SYT1: variants seen among roughly 807,000 people sequenced by gnomAD.
SYT1 encodes the protein synaptotagmin-1.
In SYT1, 8 loss-of-function variants were observed where a neutral mutation model predicts 44.8. The observed-to-expected ratio is 0.18, with a 90% CI of 0.10 to 0.32. The LOEUF (loss-of-function observed/expected upper bound fraction) is 0.32. Among genes scored for constraint, SYT1 ranks in the 10% least tolerant of loss-of-function variants. The probability of loss-of-function intolerance (pLI) is 1.00; values close to 1 mark genes in which losing one functional copy is unlikely to be tolerated. For synonymous variants in SYT1, 154 were observed against 188.8 expected, an observed-to-expected ratio of 0.82 and a Z score of 1.51; for missense variants, 286 against 509.3, an observed-to-expected ratio of 0.56 and a Z score of 4.22.
chr12:79,358,128 CG>C (rs1293830002), intron 9 of SYT1, among the ~76,000 whole-genome samples: 5 of 152,104 alleles, frequency 3.3e-5, no homozygotes, highest in Admixed American at 1.3e-4. Context: ...AAATTTGACA[CG>C]TCTGAGTACA....
At chr12:78,996,938 T>C (rs1447285886) in intron 2 of SYT1, among the ~76,000 whole-genome samples, 2 of 152,160 alleles carry the variant, frequency 1.3e-5, no homozygotes, top group Non-Finnish European at 2.9e-5. Context: ...TGAGCTAATC[T>C]CAGTGATTTT....
chr12:79,142,814 T>C (rs1055819848), intron 3 of SYT1, among the ~76,000 whole-genome samples: 2 of 152,230 alleles, frequency 1.3e-5, no homozygotes, highest in Non-Finnish European at 2.9e-5. Flanking sequence ...TGCTTGTGTA[T>C]GAGTCCTCCA....
At chr12:79,364,914 T>C (rs1227797062) in intron 9 of SYT1, among the ~76,000 whole-genome samples, 1 of 152,134 alleles carries the variant, frequency 6.6e-6, no homozygotes, top group Non-Finnish European at 1.5e-5. Context: ...ATTATGAACT[T>C]CCATATCCTT....
chr12:78,999,198 A>G (rs1361774935), intron 2 of SYT1, among the ~76,000 whole-genome samples: 2 of 152,198 alleles, frequency 1.3e-5, no homozygotes, highest in Non-Finnish European at 2.9e-5. Context: ...AGCATCATTC[A>G]AGGAGCAGTA....
chr12:79,032,372 G>A (rs886155351), intron 2 of SYT1, among the ~76,000 whole-genome samples: 1 of 151,088 alleles, frequency 6.6e-6, no homozygotes, highest in Non-Finnish European at 1.5e-5. Flanking sequence ...TATAGGCAGG[G>A]ACCTTATCTT....
At chr12:78,980,227 G>T (rs1353863000) in intron 2 of SYT1, among the ~76,000 whole-genome samples, 1 of 152,120 alleles carries the variant, frequency 6.6e-6, no homozygotes, top group Admixed American at 6.6e-5. Context: ...ACGGAATGTC[G>T]TGATTACCTC....
intron 1 of SYT1, among the ~76,000 whole-genome samples, chr12:78,964,669 C>T (rs781519504): frequency 1.3e-5 from 2 of 152,104 alleles, no homozygotes; most frequent in African/African-American, 2.4e-5. Flanking sequence ...GTTTAAAAAT[C>T]TTAAAGTAAA....
At chr12:79,363,552 C>G (rs898667494) in intron 9 of SYT1, among the ~76,000 whole-genome samples, 1 of 149,412 alleles carries the variant, frequency 6.7e-6, no homozygotes, top group Non-Finnish European at 1.5e-5. Context: ...TAGTGGGACC[C>G]CCATCTCTAC....
intron 1 of SYT1, among the ~76,000 whole-genome samples, chr12:78,937,992 C>CACTGCTAATG (rs1878152710): frequency 6.6e-6 from 1 of 152,000 alleles, no homozygotes; most frequent in Admixed American, 6.6e-5. Flanking sequence ...GCAATGCTTA[C>CACTGCTAATG]CATACAAAGG....
chr12:79,348,895 CAAAGAAAG>C (rs201568506), intron 8 of SYT1, among the ~76,000 whole-genome samples: 5 of 50,522 alleles, frequency 9.9e-5, no homozygotes, highest in East Asian at 4.3e-4. Flanking sequence ...TGAAAAAAGA[CAAAGAAAG>C]AAAGAAAGGA....
chr12:79,381,826 A>G (rs2136074033), intron 9 of SYT1, among the ~76,000 whole-genome samples: 1 of 152,344 alleles, frequency 6.6e-6, no homozygotes, highest in Middle Eastern at 3.4e-3. Flanking sequence ...AGGATTGTCC[A>G]GCTGAGGGGT....
intron 3 of SYT1, among the ~76,000 whole-genome samples, chr12:79,190,822 T>C (rs1410998274): frequency 6.6e-6 from 1 of 151,050 alleles, no homozygotes; most frequent in Non-Finnish European, 1.5e-5. Context: ...CCCTCTTTTT[T>C]TCAGAACTTT....
At position 79,391,006 on chromosome 12, in the gene SYT1, G is replaced by A. The variant is rs114014090; in HGVS notation, c.928+37387G>A. Among the ~76,000 whole-genome samples the A allele has an allele frequency of 6.4e-3, 979 of 152,196 alleles. 10 individuals are homozygous for A. The highest frequency in any genetic ancestry group is 0.022 in the African/African-American group (932 of 41,518). On this transcript the variant is annotated intron_variant, in intron 9 of 10. Coordinates refer to ENST00000261205, the MANE Select transcript of SYT1 (RefSeq NM_005639.3). ...CCTCTTTCAGTGTTGGCTCCATCTT[G>A]GTGGCAAACATCCAGTAGTAACTAA... is the stretch of plus-strand genomic sequence containing the variant.
chr12:79,058,037 G>T (rs1369757048), intron 3 of SYT1, among the ~76,000 whole-genome samples: 1 of 151,880 alleles, frequency 6.6e-6, no homozygotes, highest in Non-Finnish European at 1.5e-5. Context: ...GTATATTTAT[G>T]GATATATCCA....
chr12:78,941,588 C>G (rs1302444348), intron 1 of SYT1, among the ~76,000 whole-genome samples: 1 of 152,184 alleles, frequency 6.6e-6, no homozygotes, highest in Non-Finnish European at 1.5e-5. Flanking sequence ...GGAATTGCAT[C>G]CTATTTCACT....
intron 4 of SYT1, among the ~76,000 whole-genome samples, chr12:79,252,590 C>A (rs1220369339): frequency 6.6e-6 from 1 of 152,104 alleles, no homozygotes; most frequent in Non-Finnish European, 1.5e-5. Context: ...ATCCAGACCT[C>A]ATTCTTCTTT....
chr12:79,314,387 G>A (rs1880980153), intron 8 of SYT1, among the ~76,000 whole-genome samples: 1 of 148,902 alleles, frequency 6.7e-6, no homozygotes, highest in African/African-American at 2.6e-5. Context: ...ATGTGCGAGA[G>A]TCTGTGGGAT....
At chr12:79,233,476 C>G (rs1875991955) in intron 4 of SYT1, among the ~76,000 whole-genome samples, 1 of 152,148 alleles carries the variant, frequency 6.6e-6, no homozygotes, top group South Asian at 2.1e-4. Flanking sequence ...TTCACCCTAT[C>G]AGGCACACAA....
At chr12:79,342,289 T>C (rs1285181952) in intron 8 of SYT1, among the ~76,000 whole-genome samples, 1 of 152,140 alleles carries the variant, frequency 6.6e-6, no homozygotes, top group East Asian at 1.9e-4. Flanking sequence ...TGGAGTGCAG[T>C]GCCACAATCA....
Sources: gnomAD v4.1 joint callset for allele counts (sites outside exome capture counted in the v4.1 genomes callset) on GRCh38, gnomAD v4.1.1 for gene constraint, MANE v1.5 for transcripts, NCBI Gene and HGNC (gene_info 2026-07-23, HGNC 2026-07-21) for gene names.